Variants in WDR49 observed in about 807,000 individuals in gnomAD.
WDR49 encodes WD repeat domain 49.
WDR49 carries 107 observed loss-of-function variants against 119.5 expected under a neutral mutation model. The ratio of observed to expected loss-of-function variants is 0.90; its 90% CI spans 0.77 to 1.05. The LOEUF is 1.05. WDR49 is among the 50% of genes least tolerant of loss of function. WDR49 has a pLI of 0.00. For synonymous variants in WDR49, 425 were observed against 418.8 expected, an observed-to-expected ratio of 1.01 and a Z score of -0.18; for missense variants, 1,240 against 1,220.5, an observed-to-expected ratio of 1.02 and a Z score of -0.24.
At chr3:167,632,600 T>C (rs1188178934) in intron 2 of WDR49, among the ~76,000 whole-genome samples, 1 of 152,058 alleles carries the variant, frequency 6.6e-6, no homozygotes, top group African/African-American at 2.4e-5. Context: ...AGCATGATGT[T>C]TTGATTAATA....
intron 10 of WDR49, among the ~76,000 whole-genome samples, chr3:167,551,462 T>G (rs764271650): frequency 6.6e-6 from 1 of 152,068 alleles, no homozygotes; most frequent in Non-Finnish European, 1.5e-5. Flanking sequence ...AATATTCAAT[T>G]AATCATTTAG....
At chr3:167,619,647 A>G (rs1716771927) in intron 5 of WDR49, among the ~76,000 whole-genome samples, 1 of 152,164 alleles carries the variant, frequency 6.6e-6, no homozygotes, top group South Asian at 2.1e-4. Context: ...ATAGCCCAAT[A>G]ACATTAATCT....
chr3:167,643,142 G>T (rs530428508), intron 2 of WDR49, among the ~76,000 whole-genome samples: 2 of 152,132 alleles, frequency 1.3e-5, no homozygotes, highest in East Asian at 3.9e-4. Context: ...TCTTGTTGAA[G>T]AATACTCACA....
At chr3:167,480,262 A>G (rs1243111762) in intron 18 of WDR49, among the ~76,000 whole-genome samples, 1 of 150,944 alleles carries the variant, frequency 6.6e-6, no homozygotes, top group Admixed American at 6.6e-5. Context: ...AAAAAAAAAA[A>G]AAAAAAAAAG....
chr3:167,510,440 CTTAT>C (rs1050931826), intron 16 of WDR49, among the ~76,000 whole-genome samples: 1 of 152,018 alleles, frequency 6.6e-6, no homozygotes, highest in Non-Finnish European at 1.5e-5. Context: ...TATCCCTTCA[CTTAT>C]TTATTTTTTT....
rs527539304 is a variant in WDR49, at chr3:167,546,872, T to A, written c.1823+7778A>T. 2.0e-5 allele frequency among the ~76,000 whole-genome samples: 3 copies of A among 151,978 alleles called. No individual in the cohort carries two copies. The South Asian group carries it at 6.2e-4, about 31-fold the overall frequency. ...TGTTAGTCCTATTGTCATGTCTTGT[T>A]AATGCCTGTTCTTCAATTCATTGCT... On this transcript the variant is annotated intron_variant, in intron 10 of 18. Transcript: ENST00000682715.
Position 167,599,111 on chromosome 3 carries a change from C to G in WDR49, c.1275+3016G>C, listed in dbSNP as rs546227607. ...GGCTACCACCTATGTTTTCCCACGG[C>G]TCTGGGGCTCTATGGTCAGCATGTG... On this transcript the variant is annotated intron_variant, in intron 7 of 18. Coordinates refer to ENST00000682715, the MANE Select transcript of WDR49 (RefSeq NM_001366157.1). Among the ~76,000 whole-genome samples the G allele has an allele frequency of 4.1e-4, 62 of 152,260 alleles. 1 individual carries two copies. In the South Asian group the frequency reaches 0.011, roughly 26 times the overall value.
chr3:167,540,785 GA>G (rs976397262), intron 10 of WDR49, among the ~76,000 whole-genome samples: 1 of 151,688 alleles, frequency 6.6e-6, no homozygotes, highest in Non-Finnish European at 1.5e-5. Flanking sequence ...GAAAAGCAAT[GA>G]AAAGAAATTT....
chr3:167,490,790 G>A (rs879858206), intron 18 of WDR49, among the ~76,000 whole-genome samples: 20 of 151,966 alleles, frequency 1.3e-4, no homozygotes, highest in Non-Finnish European at 2.1e-4. Flanking sequence ...AGCCACTGAC[G>A]GATATGCAAA....
At chr3:167,649,229 C>A (rs145062297) in intron 2 of WDR49, among the ~76,000 whole-genome samples, 422 of 151,802 alleles carry the variant, frequency 2.8e-3, no homozygotes, top group African/African-American at 9.7e-3. Flanking sequence ...AGTGAAGGTA[C>A]AATGGGCAAT....
At chr3:167,562,392 T>G (rs1577241628) in intron 8 of WDR49, among the ~76,000 whole-genome samples, 1 of 152,304 alleles carries the variant, frequency 6.6e-6, no homozygotes, top group African/African-American at 2.4e-5. Flanking sequence ...GCAACATGTG[T>G]ATCTCAACAA....
At chr3:167,496,739 G>GAAAAATAC (rs1751370029) in intron 18 of WDR49, among the ~76,000 whole-genome samples, 1 of 152,016 alleles carries the variant, frequency 6.6e-6, no homozygotes, top group African/African-American at 2.4e-5. Flanking sequence ...TCTATCCTAG[G>GAAAAATAC]AAAAGCTAAA....
intron 2 of WDR49, among the ~76,000 whole-genome samples, chr3:167,631,084 G>C (rs2108330646): frequency 6.6e-6 from 1 of 152,092 alleles, no homozygotes; most frequent in South Asian, 2.1e-4. Context: ...CTTGGACACA[G>C]GGTGGGGAAC....
At chr3:167,577,402 T>C (rs1714304416) in intron 7 of WDR49, among the ~76,000 whole-genome samples, 2 of 152,172 alleles carry the variant, frequency 1.3e-5, no homozygotes, top group East Asian at 3.8e-4. Context: ...AATGTATCTG[T>C]TGTACAAAAT....
chr3:167,609,390 G>A (rs1156554558), intron 5 of WDR49, among the ~76,000 whole-genome samples: 1 of 152,092 alleles, frequency 6.6e-6, no homozygotes, highest in African/African-American at 2.4e-5. Flanking sequence ...CTGGGAACTG[G>A]GGGAGAGAGA....
At chr3:167,520,127 G>C (rs533492306) in intron 16 of WDR49, among the ~76,000 whole-genome samples, 1 of 151,610 alleles carries the variant, frequency 6.6e-6, no homozygotes, top group East Asian at 1.9e-4. Flanking sequence ...CATGCCTGTA[G>C]TCCGAGCTAC....
intron 15 of WDR49, among the ~76,000 whole-genome samples, chr3:167,524,233 C>T (rs569247052): frequency 2.3e-4 from 35 of 152,108 alleles, no homozygotes; most frequent in African/African-American, 6.7e-4. Flanking sequence ...ACTCACGTTT[C>T]GATGAGGTTG....
At chr3:167,630,183 C>G (rs1717306977) in intron 2 of WDR49, among the ~76,000 whole-genome samples, 2 of 152,052 alleles carry the variant, frequency 1.3e-5, no homozygotes, top group African/African-American at 2.4e-5. Context: ...AACAAAATTG[C>G]CACAGCCGTC....
intron 10 of WDR49, among the ~76,000 whole-genome samples, chr3:167,539,636 T>C (rs957918850): frequency 6.6e-6 from 1 of 152,180 alleles, no homozygotes; most frequent in Non-Finnish European, 1.5e-5. Flanking sequence ...TAGTGACCTA[T>C]ACATATTGAG....
Sources: allele counts gnomAD v4.1 joint callset (sites outside exome capture counted in the v4.1 genomes callset), GRCh38; gene constraint gnomAD v4.1.1; transcripts MANE v1.5; gene names NCBI Gene and HGNC (gene_info 2026-07-23, HGNC 2026-07-21).